Variants in PDE4D observed in about 807,000 individuals in gnomAD.
PDE4D encodes the protein phosphodiesterase 4D, also known as 3',5'-cyclic-AMP phosphodiesterase 4D.
Under a neutral mutation model 87.4 loss-of-function variants are expected in PDE4D, and 24 were observed. The observed-to-expected ratio is 0.27, with a 90% CI of 0.20 to 0.39. The LOEUF (loss-of-function observed/expected upper bound fraction) is 0.39. Ranked by LOEUF, PDE4D falls within the 10% of genes least tolerant of loss-of-function variation. The pLI, the probability that PDE4D is intolerant of heterozygous loss-of-function variation, is 1.00. For synonymous variants in PDE4D, 384 were observed against 383.2 expected, an observed-to-expected ratio of 1.00 and a Z score of -0.02; for missense variants, 714 against 1,041.0, an observed-to-expected ratio of 0.69 and a Z score of 4.32.
intron 2 of PDE4D, among the ~76,000 whole-genome samples, chr5:60,086,018 T>TA (rs1398994516): frequency 6.6e-6 from 1 of 152,172 alleles, no homozygotes; most frequent in Non-Finnish European, 1.5e-5. Flanking sequence ...AATTACTTAG[T>TA]AAAAAAATGG....
At chr5:59,303,600 T>A (rs1375048407) in intron 1 of PDE4D, among the ~76,000 whole-genome samples, 1 of 152,200 alleles carries the variant, frequency 6.6e-6, no homozygotes, top group Non-Finnish European at 1.5e-5. Flanking sequence ...TTCATTCTCC[T>A]ATGTGTGGCT....
intron 3 of PDE4D, among the ~76,000 whole-genome samples, chr5:59,950,155 T>A (rs1758146552): frequency 1.3e-5 from 2 of 152,150 alleles, no homozygotes; most frequent in African/African-American, 2.4e-5. Flanking sequence ...TAAAAGATTA[T>A]AGTTTTCTGA....
intron 2 of PDE4D, among the ~76,000 whole-genome samples, chr5:60,105,877 C>T (rs1776837869): frequency 6.6e-6 from 1 of 152,158 alleles, no homozygotes; most frequent in South Asian, 2.1e-4. Context: ...TGGAAAGGAA[C>T]AACCAGTACC....
At chr5:60,460,467 G>A in intron 1 of PDE4D, 1 of 1,525,494 alleles carries the variant, frequency 6.6e-7, no homozygotes, top group East Asian at 2.3e-5. Context: ...CAAAATTTGG[G>A]ATTTTGGCGA....
intron 3 of PDE4D, among the ~76,000 whole-genome samples, chr5:59,956,696 A>C (rs1426641262): frequency 1.3e-5 from 2 of 152,202 alleles, no homozygotes; most frequent in Admixed American, 1.3e-4. Flanking sequence ...AAAATGCTTC[A>C]TTTTATATGC....
intron 1 of PDE4D, among the ~76,000 whole-genome samples, chr5:60,199,804 T>G (rs1741702370): frequency 6.6e-6 from 1 of 151,716 alleles, no homozygotes; most frequent in African/African-American, 2.4e-5. Flanking sequence ...TCACAACATA[T>G]CATACCATAC....
intron 2 of PDE4D, among the ~76,000 whole-genome samples, chr5:60,039,496 T>A (rs1768209054): frequency 6.6e-6 from 1 of 151,264 alleles, no homozygotes; most frequent in African/African-American, 2.4e-5. Flanking sequence ...AATGACAAGT[T>A]AATGGGTGCA....
chr5:60,354,454 AC>A (rs1228998907), intron 1 of PDE4D, among the ~76,000 whole-genome samples: 1 of 152,192 alleles, frequency 6.6e-6, no homozygotes, highest in Non-Finnish European at 1.5e-5. Flanking sequence ...CAGTCTCCAT[AC>A]ATAGCAAGCT....
intron 1 of PDE4D, among the ~76,000 whole-genome samples, chr5:59,609,698 T>G (rs1828724845): frequency 6.6e-6 from 1 of 152,124 alleles, no homozygotes; most frequent in Non-Finnish European, 1.5e-5. Context: ...GCTTTTGGTG[T>G]TGTTCCTGTA....
chr5:59,803,664 A>C (rs1209083559), intron 1 of PDE4D, among the ~76,000 whole-genome samples: 1 of 152,170 alleles, frequency 6.6e-6, no homozygotes, highest in Non-Finnish European at 1.5e-5. Flanking sequence ...GATGCATCCT[A>C]AAGTTTGAGA....
chr5:59,526,569 T>C (rs1338738222), intron 1 of PDE4D, among the ~76,000 whole-genome samples: 7 of 152,218 alleles, frequency 4.6e-5, no homozygotes, highest in Admixed American at 4.6e-4. Flanking sequence ...CTAAAACCAC[T>C]GAAAATTTGA....
intron 2 of PDE4D, among the ~76,000 whole-genome samples, chr5:60,076,689 C>T (rs1211992671): frequency 6.9e-3 from 1 of 144 alleles, no homozygotes; most frequent in East Asian, 0.056. Flanking sequence ...TAGGAACCTG[C>T]TCACTGGAGG....
rs186589311 is a variant in PDE4D, at chr5:60,518,051, G to A, written n.70+4000C>T. Among the ~76,000 whole-genome samples, 8 of 152,310 alleles carry A rather than the reference G, an allele frequency of 5.3e-5. No individual in the cohort carries two copies. The East Asian group carries it at 5.8e-4, about 11-fold the overall frequency. On this transcript the variant is annotated intron_variant and non_coding_transcript_variant, in intron 1 of 2. Coordinates refer to the PDE4D transcript ENST00000506510. The stretch of plus-strand genomic sequence containing the variant: ...AGCTTCCAGGCACCACCACATTCCC[G>A]GGTGCCAGCAGTGGAAGCCATCTGT...
intron 1 of PDE4D, among the ~76,000 whole-genome samples, chr5:59,242,599 A>G (rs1757896021): frequency 6.6e-6 from 1 of 152,218 alleles, no homozygotes; most frequent in African/African-American, 2.4e-5. Context: ...TTGTACATTT[A>G]CATTTTCCAA....
chr5:59,931,837 G>A (rs1242082435), intron 3 of PDE4D, among the ~76,000 whole-genome samples: 4 of 151,950 alleles, frequency 2.6e-5, no homozygotes, highest in Non-Finnish European at 4.4e-5. Flanking sequence ...GAGTAGCTAG[G>A]ACTACAGGCA....
chr5:59,866,945 G>A (rs562661674), intron 1 of PDE4D, among the ~76,000 whole-genome samples: 3 of 152,228 alleles, frequency 2.0e-5, no homozygotes, highest in Non-Finnish European at 4.4e-5. Flanking sequence ...TTCCACCCTA[G>A]AGACTAACTA....
intron 1 of PDE4D, among the ~76,000 whole-genome samples, chr5:59,744,399 T>C (rs1192319353): frequency 6.6e-6 from 1 of 152,164 alleles, no homozygotes; most frequent in Non-Finnish European, 1.5e-5. Flanking sequence ...ACCCACAACT[T>C]TTGATCACTT....
At chr5:60,442,003 T>C (rs889223011) in intron 1 of PDE4D, among the ~76,000 whole-genome samples, 8 of 152,160 alleles carry the variant, frequency 5.3e-5, no homozygotes. Flanking sequence ...GAGTGTAAAT[T>C]AGTTCAATCA....
chr5:60,350,923 A>G (rs1759129983), intron 1 of PDE4D, among the ~76,000 whole-genome samples: 1 of 152,036 alleles, frequency 6.6e-6, no homozygotes, highest in Admixed American at 6.6e-5. Context: ...ATCTGAGAAC[A>G]TGAGCCAAGG....
Sources: allele counts gnomAD v4.1 joint callset (sites outside exome capture counted in the v4.1 genomes callset), GRCh38; gene constraint gnomAD v4.1.1; transcripts MANE v1.5; gene names NCBI Gene and HGNC (gene_info 2026-07-23, HGNC 2026-07-21).